The following PHTF2 variants were observed in gnomAD, a reference collection of about 807,000 sequenced individuals.
PHTF2 encodes protein PHTF2.
PHTF2 carries 60 observed loss-of-function variants against 101.2 expected under a neutral mutation model. The ratio of observed to expected loss-of-function variants is 0.59; its 90% CI spans 0.48 to 0.73. The LOEUF (loss-of-function observed/expected upper bound fraction) is 0.73, where lower values mean the gene tolerates loss of function less well. PHTF2 is among the 30% of genes least tolerant of loss of function. PHTF2 has a pLI of 0.00. For missense variants in PHTF2, 747 were observed against 908.7 expected (o/e 0.82, Z 2.29); for synonymous variants, 311 against 307.3 (o/e 1.01, Z -0.13).
chr7:77,806,612 T>C (rs1202094375), intron 1 of PHTF2, among the ~76,000 whole-genome samples: 2 of 152,204 alleles, frequency 1.3e-5, no homozygotes, highest in African/African-American at 2.4e-5. Context: ...GGTCTTGCTT[T>C]TTAATATCCA....
At chr7:77,849,236 G>A (rs754316500) in intron 2 of PHTF2, among the ~76,000 whole-genome samples, 3 of 151,924 alleles carry the variant, frequency 2.0e-5, no homozygotes, top group Non-Finnish European at 4.4e-5. Flanking sequence ...TGATTCTCCT[G>A]CCTCAGCCTC....
intron 3 of PHTF2, among the ~76,000 whole-genome samples, chr7:77,887,704 A>T (rs952948305): frequency 1.3e-5 from 2 of 152,230 alleles, no homozygotes; most frequent in Non-Finnish European, 2.9e-5. Flanking sequence ...GTTACCAAAG[A>T]TACAGGATGA....
intron 15 of PHTF2, among the ~76,000 whole-genome samples, chr7:77,942,002 A>G (rs1346591570): frequency 6.6e-6 from 1 of 152,052 alleles, no homozygotes; most frequent in Non-Finnish European, 1.5e-5. Context: ...TTCCTAGTCC[A>G]CTACATTCCA....
chr7:77,902,411 T>TA (rs1334982868), intron 7 of PHTF2, among the ~76,000 whole-genome samples: 1 of 152,214 alleles, frequency 6.6e-6, no homozygotes, highest in African/African-American at 2.4e-5. Flanking sequence ...CAGGGACTGT[T>TA]ACTATGCTTC....
chr7:77,857,787 C>G (rs1272593856), intron 3 of PHTF2, among the ~76,000 whole-genome samples: 1 of 152,142 alleles, frequency 6.6e-6, no homozygotes, highest in Admixed American at 6.5e-5. Context: ...TCTCTGAATT[C>G]CACTTTGTTC....
chr7:77,798,791 C>T (rs956453823), upstream of PHTF2: 2 of 152,362 alleles, frequency 1.3e-5, no homozygotes, highest in African/African-American at 4.8e-5. Flanking sequence ...TGCCCGCGCG[C>T]AGTGACTGCA....
At chr7:77,936,194 T>A (rs186567636) in intron 12 of PHTF2, among the ~76,000 whole-genome samples, 1 of 152,094 alleles carries the variant, frequency 6.6e-6, no homozygotes, top group Non-Finnish European at 1.5e-5. Context: ...GCAACTTTAC[T>A]CCCCCTAGAG....
intron 12 of PHTF2, among the ~76,000 whole-genome samples, chr7:77,931,099 A>C (rs1342792516): frequency 1.3e-5 from 2 of 152,244 alleles, no homozygotes; most frequent in African/African-American, 4.8e-5. Flanking sequence ...GTTGTGAGTC[A>C]AATGATTATA....
intron 2 of PHTF2, among the ~76,000 whole-genome samples, chr7:77,847,440 A>G (rs1255678414): frequency 6.6e-6 from 1 of 152,188 alleles, no homozygotes; most frequent in East Asian, 1.9e-4. Context: ...CCAGCTTATG[A>G]TATTGAACAT....
intron 1 of PHTF2, among the ~76,000 whole-genome samples, chr7:77,812,566 T>C (rs1441909262): frequency 6.6e-6 from 1 of 151,906 alleles, no homozygotes; most frequent in Non-Finnish European, 1.5e-5. Context: ...ATGTAAGAAA[T>C]AATGTGTACA....
At chr7:77,806,382 A>G (rs952112611) in intron 1 of PHTF2, among the ~76,000 whole-genome samples, 1 of 152,200 alleles carries the variant, frequency 6.6e-6, no homozygotes, top group Non-Finnish European at 1.5e-5. Context: ...TGTTATAATT[A>G]CTTGGTCAAT....
At chr7:77,835,199 G>A (rs947141190) in intron 1 of PHTF2, among the ~76,000 whole-genome samples, 7 of 149,588 alleles carry the variant, frequency 4.7e-5, no homozygotes, top group African/African-American at 1.7e-4. Flanking sequence ...GCTTGAACCT[G>A]GGAGGCGGAG....
chr7:77,872,834 C>T (rs947326037), intron 3 of PHTF2, among the ~76,000 whole-genome samples: 1 of 152,224 alleles, frequency 6.6e-6, no homozygotes, highest in African/African-American at 2.4e-5. Context: ...TAGATCCCTT[C>T]CTCTACATTA....
At chr7:77,864,186 G>A (rs773149507) in intron 3 of PHTF2, among the ~76,000 whole-genome samples, 8 of 152,176 alleles carry the variant, frequency 5.3e-5, no homozygotes, top group Non-Finnish European at 8.8e-5. Flanking sequence ...TACCTTGAAA[G>A]TGTTACAGGA....
At chr7:77,884,989 T>C (rs551617264) in intron 3 of PHTF2, among the ~76,000 whole-genome samples, 32 of 152,346 alleles carry the variant, frequency 2.1e-4, no homozygotes, top group African/African-American at 6.7e-4. Context: ...CATCTTATGA[T>C]TGATGATGCA....
intron 11 of PHTF2, among the ~76,000 whole-genome samples, chr7:77,927,528 G>C (rs1207135705): frequency 6.6e-6 from 1 of 152,012 alleles, no homozygotes; most frequent in African/African-American, 2.4e-5. Context: ...CCTGGGAGGT[G>C]GAAGTTGTGG....
intron 11 of PHTF2, among the ~76,000 whole-genome samples, 177 bp from the exon 11 acceptor site, chr7:77,928,932 G>C (rs1169095966): frequency 6.6e-6 from 1 of 152,104 alleles, no homozygotes; most frequent in African/African-American, 2.4e-5. Flanking sequence ...TTGATGTGAA[G>C]GTATTTTGTT....
intron 1 of PHTF2, among the ~76,000 whole-genome samples, chr7:77,831,746 C>T (rs958670858): frequency 6.6e-6 from 1 of 152,178 alleles, no homozygotes; most frequent in Non-Finnish European, 1.5e-5. Flanking sequence ...TTTCTGGTTT[C>T]ACTACTTGGG....
intron 9 of PHTF2, among the ~76,000 whole-genome samples, chr7:77,914,223 C>T (rs565577977): frequency 6.6e-6 from 1 of 152,154 alleles, no homozygotes; most frequent in South Asian, 2.1e-4. Context: ...GAAATGCAAA[C>T]AAAATATCCT....
Sources: gnomAD v4.1 joint callset for allele counts (sites outside exome capture counted in the v4.1 genomes callset) on GRCh38, gnomAD v4.1.1 for gene constraint, MANE v1.5 for transcripts, NCBI Gene and HGNC (gene_info 2026-07-23, HGNC 2026-07-21) for gene names.